Variants in SPEF2 observed in about 807,000 individuals in gnomAD.
SPEF2 encodes sperm flagellar and cilia associated 2, also known as sperm flagella and cilia-associated protein 2.
SPEF2 carries 187 observed loss-of-function variants against 224.6 expected under a neutral mutation model. That is an observed-to-expected ratio of 0.83 (90% CI 0.74 to 0.94). The LOEUF (loss-of-function observed/expected upper bound fraction) is 0.94, where lower values mean the gene tolerates loss of function less well. SPEF2 is among the 40% of genes least tolerant of loss of function. The pLI, the probability that SPEF2 is intolerant of heterozygous loss-of-function variation, is 0.00. For missense variants in SPEF2, 2,170 were observed against 2,135.6 expected (o/e 1.02, Z -0.32); for synonymous variants, 715 against 707.3 (o/e 1.01, Z -0.17).
intron 1 of SPEF2, among the ~76,000 whole-genome samples, chr5:35,626,776 G>T (rs901478666): frequency 3.9e-5 from 6 of 152,080 alleles, no homozygotes; most frequent in Admixed American, 2.6e-4. Flanking sequence ...TTTGAGAACA[G>T]ATATTAAGAA....
chr5:35,747,659 A>G (rs1187369693), intron 23 of SPEF2, among the ~76,000 whole-genome samples: 1 of 152,214 alleles, frequency 6.6e-6, no homozygotes, highest in Non-Finnish European at 1.5e-5. Flanking sequence ...ATATGCACCT[A>G]ACACTGGAGC....
chr5:35,698,275 G>A (rs1376456641), intron 15 of SPEF2: 1 of 152,504 alleles, frequency 6.6e-6, no homozygotes, highest in African/African-American at 2.4e-5. Context: ...TGGAAACAGT[G>A]AGACCAAGAG....
At chr5:35,771,562 A>G in intron 26 of SPEF2, 47 bp from the exon 27 acceptor site, 1 of 1,576,262 alleles carries the variant, frequency 6.3e-7, no homozygotes, top group South Asian at 1.2e-5. Context: ...TGGTTGCCAT[A>G]TTTTGTAAAT....
chr5:35,634,010 T>C (rs938640736), intron 2 of SPEF2, among the ~76,000 whole-genome samples: 13 of 152,084 alleles, frequency 8.5e-5, no homozygotes, highest in Middle Eastern at 3.2e-3. Context: ...TATTGCTATA[T>C]GCACTTAACT....
intron 30 of SPEF2, among the ~76,000 whole-genome samples, chr5:35,786,891 C>T (rs2149817394): frequency 1.3e-5 from 2 of 152,048 alleles, no homozygotes; most frequent in South Asian, 4.1e-4. Context: ...AACCCTAGAA[C>T]CATAAAGTAT....
chr5:35,810,784 C>A (rs1169057406), intron 36 of SPEF2, among the ~76,000 whole-genome samples: 1 of 152,202 alleles, frequency 6.6e-6, no homozygotes, highest in African/African-American at 2.4e-5. Flanking sequence ...ACCAGTCTCA[C>A]AATACCTGTA....
rs951666930 is a variant in SPEF2, at chr5:35,641,531, G to C, written c.262G>C (p.Glu88Gln). Residue 88 changes from glutamate to glutamine, a missense_variant, in exon 3 of 37, where the codon GAA becomes CAA. Transcript: ENST00000356031. The stretch of plus-strand genomic sequence containing the variant: ...GAATGTGGCCCATGGCATCATCACA[G>C]AAAAGCCTGGGGTGGCAACAAAGCT... ...DQNVAHGIIT[E>Q]KPGVATKLLY... The C allele has an allele frequency of 1.9e-6, 3 of 1,613,824 alleles. No individual in the cohort carries two copies. Among genetic ancestry groups the C allele is most frequent in the Non-Finnish European group, 2.5e-6 (3 of 1,179,842 alleles).
At chr5:35,689,522 G>A (rs560596306) in intron 10 of SPEF2, among the ~76,000 whole-genome samples, 6 of 152,136 alleles carry the variant, frequency 3.9e-5, no homozygotes, top group South Asian at 2.1e-4. Flanking sequence ...CCTCCCTCTA[G>A]TAGTCCCCAG....
intron 18 of SPEF2, among the ~76,000 whole-genome samples, chr5:35,708,630 C>A (rs1740379842): frequency 6.7e-6 from 1 of 149,982 alleles, no homozygotes; most frequent in Non-Finnish European, 1.5e-5. Context: ...CCTCCACCAC[C>A]ATCACCTCTA....
chr5:35,635,221 T>A (rs187357513), intron 2 of SPEF2, among the ~76,000 whole-genome samples: 3 of 152,266 alleles, frequency 2.0e-5, no homozygotes, highest in Admixed American at 6.5e-5. Context: ...TGTTGAACTC[T>A]TATTGTGAAT....
At chr5:35,793,138 A>G (rs373118004) in intron 31 of SPEF2, 21 bp from the exon 32 acceptor site, 3 of 1,604,650 alleles carry the variant, frequency 1.9e-6, no homozygotes, top group Middle Eastern at 1.7e-4. Context: ...TATTCCAAAG[A>G]TATTTCCTGT....
At chr5:35,717,912 G>A (rs1311779435) in intron 20 of SPEF2, among the ~76,000 whole-genome samples, 2 of 152,200 alleles carry the variant, frequency 1.3e-5, no homozygotes, top group East Asian at 3.9e-4. Context: ...GACAGGGGGC[G>A]CTGTTTTGGG....
At chr5:35,669,049 G>A (rs1430565856) in intron 9 of SPEF2, among the ~76,000 whole-genome samples, 1 of 151,990 alleles carries the variant, frequency 6.6e-6, no homozygotes, top group Non-Finnish European at 1.5e-5. Flanking sequence ...TGTTAGGTCT[G>A]TAGCCGTTAA....
intron 5 of SPEF2, among the ~76,000 whole-genome samples, chr5:35,647,070 AG>A (rs148563007): frequency 0.096 from 14,604 of 152,248 alleles, 819 homozygotes; most frequent in East Asian, 0.18. Flanking sequence ...GTGTTGAAAA[AG>A]ATTCTGTGGT....
intron 1 of SPEF2, among the ~76,000 whole-genome samples, chr5:35,623,297 G>T (rs755486235): frequency 1.3e-5 from 2 of 152,122 alleles, no homozygotes; most frequent in South Asian, 4.2e-4. Flanking sequence ...CTTCAGCAGG[G>T]TTTGTTTGTT....
In SPEF2 at chr5:35,711,626, C is replaced by G. The variant is rs550681280; in HGVS notation, c.2840-1186C>G. ...CTTCCTTACTTCCCTCCCTCCCTCC[C>G]TCCCTCGCTATCATCCCCCGTCTTT... On this transcript the variant is annotated intron_variant, in intron 19 of 36. Transcript: ENST00000356031. Among the ~76,000 whole-genome samples the G allele has an allele frequency of 2.4e-3, 361 of 149,274 alleles. 4 individuals carry two copies. Among genetic ancestry groups the G allele is most frequent in the Non-Finnish European group, 1.0e-3 (70 of 67,170 alleles).
intron 9 of SPEF2, among the ~76,000 whole-genome samples, chr5:35,667,551 T>C (rs1336628581): frequency 1.3e-5 from 2 of 152,160 alleles, no homozygotes; most frequent in African/African-American, 4.8e-5. Context: ...GGAGAAAATC[T>C]TTGGGTTCTA....
chr5:35,689,315 G>C (rs868266080), intron 10 of SPEF2, among the ~76,000 whole-genome samples: 1 of 151,442 alleles, frequency 6.6e-6, no homozygotes, highest in Non-Finnish European at 1.5e-5. Flanking sequence ...TTTTCTTCCC[G>C]CTTCCTGCTT....
chr5:35,636,111 TTTTG>T (rs1036944243), intron 2 of SPEF2, among the ~76,000 whole-genome samples: 3 of 152,194 alleles, frequency 2.0e-5, no homozygotes, highest in Non-Finnish European at 2.9e-5. Flanking sequence ...CTTCTGCTTT[TTTTG>T]TTTGTTTGTT....
Sources: gnomAD v4.1 joint callset for allele counts (sites outside exome capture counted in the v4.1 genomes callset) on GRCh38, gnomAD v4.1.1 for gene constraint, MANE v1.5 for transcripts, NCBI Gene and HGNC (gene_info 2026-07-23, HGNC 2026-07-21) for gene names.